The following PRDM8 variants were observed in gnomAD, a reference collection of about 807,000 sequenced individuals.
PRDM8 encodes PR/SET domain 8.
A neutral mutation model predicts 46.5 loss-of-function variants in PRDM8; 13 were observed. That is an observed-to-expected ratio of 0.28 (90% CI 0.18 to 0.44). The LOEUF is 0.44. Among genes scored for constraint, PRDM8 ranks in the 20% least tolerant of loss-of-function variants. The probability of loss-of-function intolerance (pLI) is 1.00; values close to 1 mark genes in which losing one functional copy is unlikely to be tolerated. For synonymous variants in PRDM8, 473 were observed against 438.4 expected, an observed-to-expected ratio of 1.08 and a Z score of -0.98; for missense variants, 998 against 955.0, an observed-to-expected ratio of 1.04 and a Z score of -0.59.
chr4:80,194,817 A>G (rs1242998875), upstream of PRDM8, among the ~76,000 whole-genome samples: 4 of 152,312 alleles, frequency 2.6e-5, no homozygotes, highest in Middle Eastern at 6.8e-3. Flanking sequence ...TTCTCAATAA[A>G]TTGCTCCCTT....
At chr4:80,193,087 G>A (rs1458589075), upstream of PRDM8, among the ~76,000 whole-genome samples, 1 of 152,142 alleles carries the variant, frequency 6.6e-6, no homozygotes, top group Non-Finnish European at 1.5e-5. Flanking sequence ...ATTAAAAGCA[G>A]GATCATTTAC....
Position 80,200,306 on chromosome 4 carries a change from C to A in PRDM8, c.219+7C>A. The A allele has an allele frequency of 6.2e-7, 1 of 1,601,012 alleles. No homozygotes were observed. Among genetic ancestry groups the A allele is most frequent in the South Asian group, 1.1e-5 (1 of 90,778 alleles). ...AGTACCGTATATCTTTCGGGTAAGT[C>A]TCCACTGTAGCTGTGTAGGTGTATG... On this transcript the variant is annotated splice_region_variant and intron_variant, in intron 2 of 3. Coordinates refer to ENST00000415738, the MANE Select transcript of PRDM8 (RefSeq NM_001099403.2).
chr4:80,186,927 G>A (rs1306033224), intron 1 of PRDM8, among the ~76,000 whole-genome samples: 1 of 152,230 alleles, frequency 6.6e-6, no homozygotes, highest in African/African-American at 2.4e-5. Context: ...GGGAGCAGCA[G>A]TTATGGTAGA....
rs752636419 is a variant in PRDM8, at chr4:80,202,327, A to AGCGGCGGCG, written c.874_882dup (p.Gly292_Gly294dup). 1.3e-6 allele frequency: 2 copies of AGCGGCGGCG among 1,584,826 alleles called. No individual in the cohort carries two copies. Among genetic ancestry groups the AGCGGCGGCG allele is most frequent in the East Asian group, 2.3e-5 (1 of 43,814 alleles). On this transcript the variant is annotated inframe_insertion, in exon 4 of 4. Transcript: ENST00000415738. ...CCAGAGCCTCAGCAGCGGTAGCGGC[A>AGCGGCGGCG]GCGGCGGCGGCGGCGGCCACCAGGA...
At chr4:80,185,714 A>G (rs191606142) in intron 1 of PRDM8, among the ~76,000 whole-genome samples, 2 of 152,214 alleles carry the variant, frequency 1.3e-5, no homozygotes, top group Non-Finnish European at 2.9e-5. Context: ...GGATGAGTTC[A>G]GAGTTTGATC....
In PRDM8 at chr4:80,201,446, T is replaced by A; in HGVS notation, c.376T>A (p.Leu126Ile). Residue 126 changes from leucine (L) to isoleucine (I), a missense_variant, in exon 3 of 4, where the codon TTA becomes ATA. Transcript: ENST00000415738. The stretch of plus-strand genomic sequence containing the variant: ...CCGCAGGATTGCCAAAGACGAGGAG[T>A]TACTAGTTTGGTACGGGAAAGAACT... ...SLRRIAKDEE[L>I]LVWYGKELTE... is the part of the protein sequence containing the mutation. The A allele has an allele frequency of 6.2e-7, 1 of 1,613,840 alleles. No homozygotes were observed.
chr4:80,202,137 C>G lies in PRDM8; in HGVS notation c.675C>G (p.Pro225=), dbSNP rs749054601. The G allele has an allele frequency of 8.7e-6, 14 of 1,609,814 alleles. No homozygotes were observed. In the South Asian group the frequency reaches 1.3e-4, roughly 15 times the overall value. The stretch of plus-strand genomic sequence containing the variant: ...AGGAGGCACCTTTAGGCCCGGGTCC[C>G]AAGTTTTGCAAAGCCGGCCCCCTCC... The part of the protein sequence containing the change: ...QQQEAPLGPG[P]KFCKAGPLHH... Residue 225 remains proline (P), a synonymous_variant, in exon 4 of 4, where the codon CCC becomes CCG. Transcript: ENST00000415738.
In PRDM8 at chr4:80,202,962, C is replaced by CTTCTCGCAGCCAGCACGCTCT; in HGVS notation, c.1511_1531dup (p.Pro504_Gln510dup). On this transcript the variant is annotated inframe_insertion, in exon 4 of 4. Transcript: ENST00000415738. ...CCGCGTCGGACGAGCGCAAAAGCGC[C>CTTCTCGCAGCCAGCACGCTCT]TTCTCGCAGCCAGCACGCTCTTTCT... 6.7e-7 allele frequency: 1 copy of CTTCTCGCAGCCAGCACGCTCT among 1,488,454 alleles called. No homozygotes were observed. Among genetic ancestry groups the CTTCTCGCAGCCAGCACGCTCT allele is most frequent in the African/African-American group, 1.5e-5 (1 of 68,742 alleles). 92.2% of individuals were successfully genotyped at this position (1,488,454 alleles called of 1,614,324 possible). A position where few individuals can be genotyped will look rare whatever the true frequency, so the allele number is the denominator to read the frequency against.
At chr4:80,192,316 A>T (rs1737612695) in intron 2 of PRDM8, among the ~76,000 whole-genome samples, 1 of 152,194 alleles carries the variant, frequency 6.6e-6, no homozygotes, top group Non-Finnish European at 1.5e-5. Context: ...AATCCACCTA[A>T]AACAGAGAAG....
chr4:80,199,240 G>A (rs192719857), intron 1 of PRDM8, among the ~76,000 whole-genome samples: 53 of 152,078 alleles, frequency 3.5e-4, no homozygotes, highest in Non-Finnish European at 6.9e-4. Flanking sequence ...ATTTCAGACT[G>A]GGGACACTTT....
chr4:80,196,860 C>A, upstream of PRDM8: 1 of 958,152 alleles, frequency 1.0e-6, no homozygotes, highest in Non-Finnish European at 1.2e-6. Flanking sequence ...CCGTTATGTC[C>A]CCTTCCGAGG....
At chr4:80,198,760 A>T (rs1336817587) in intron 1 of PRDM8, among the ~76,000 whole-genome samples, 3 of 152,152 alleles carry the variant, frequency 2.0e-5, no homozygotes, top group Non-Finnish European at 4.4e-5. Context: ...ATAAAAATAG[A>T]TGTCACTGAC....
rs1265559629 is a variant in PRDM8, at chr4:80,203,072, T to G, written c.1610T>G (p.Leu537Arg). The change falls in exon 4 of 4, where the codon CTC becomes CGC. Residue 537 changes from leucine (L) to arginine (R), a missense_variant. Physicochemically the swap from Leu to Arg is moderately radical, Grantham distance 102. Transcript: ENST00000415738. ...GCCGACGGCGTGGGCCCCACCAGAC[T>G]CTATCCCGCCGCCGCGGACCCTCTA... is the stretch of plus-strand genomic sequence containing the variant. Reference protein sequence around the residue: ...HPADGVGPTRLYPAAADPLAV... With the variant: ...HPADGVGPTRRYPAAADPLAV... The G allele has an allele frequency of 6.4e-7, 1 of 1,567,566 alleles. No homozygotes were observed. Among genetic ancestry groups the G allele is most frequent in the Admixed American group, 1.8e-5 (1 of 57,068 alleles).
At chr4:80,199,018 T>TTTTTTTTTTA (rs1553904883) in intron 1 of PRDM8, among the ~76,000 whole-genome samples, 23 of 89,196 alleles carry the variant, frequency 2.6e-4, no homozygotes, top group African/African-American at 4.3e-4. Context: ...TTTTTTTTTT[T>TTTTTTTTTTA]AGTGATAAGT....
At chr4:80,197,920 G>A (rs1738088598) in intron 1 of PRDM8, among the ~76,000 whole-genome samples, 157 bp downstream of exon 1, 1 of 152,232 alleles carries the variant, frequency 6.6e-6, no homozygotes, top group Non-Finnish European at 1.5e-5. Flanking sequence ...ACAAAAGGAG[G>A]AGCGGGTGGT....
At chr4:80,195,926 CACAG>C (rs1219254729), upstream of PRDM8, 27 of 164,970 alleles carry the variant, frequency 1.6e-4, no homozygotes, top group Non-Finnish European at 2.2e-4. Context: ...CACACACACA[CACAG>C]AGAGAGAGAG....
At chr4:80,197,364 G>A (rs1738039437), upstream of PRDM8, 3 of 969,438 alleles carry the variant, frequency 3.1e-6, no homozygotes, top group Non-Finnish European at 2.5e-6. Flanking sequence ...GGGCAGGCCG[G>A]GGGAAAAAGC....
intron 1 of PRDM8, among the ~76,000 whole-genome samples, chr4:80,199,188 T>C (rs780065700): frequency 6.6e-6 from 1 of 151,864 alleles, no homozygotes; most frequent in Non-Finnish European, 1.5e-5. Flanking sequence ...AAGGGTCATA[T>C]GGGGTAGGGG....
Position 80,199,001 on chromosome 4 carries a change from T to G in PRDM8, c.-2-1078T>G, listed in dbSNP as rs868591414. 9.3e-4 allele frequency among the ~76,000 whole-genome samples: 105 copies of G among 112,432 alleles called. 1 individual carries two copies. Among genetic ancestry groups the G allele is most frequent in the Non-Finnish European group, 1.2e-3 (67 of 57,474 alleles). The allele number at this position is 112,432 out of a possible 152,430, so 73.8% of individuals were successfully genotyped here. On this transcript the variant is annotated intron_variant, in intron 1 of 3. Coordinates refer to ENST00000415738, the MANE Select transcript of PRDM8 (RefSeq NM_001099403.2). ...TTGGGTTTTTTTTTTTTTGTTTTTT[T>G]TTTTTTTTTTTTTTTTTAGTGATAA...
Sources: allele counts gnomAD v4.1 joint callset (sites outside exome capture counted in the v4.1 genomes callset), GRCh38; gene constraint gnomAD v4.1.1; transcripts MANE v1.5; gene names NCBI Gene and HGNC (gene_info 2026-07-23, HGNC 2026-07-21).